Variants in SLC1A3 observed in about 807,000 individuals in gnomAD.
SLC1A3 encodes solute carrier family 1 member 3.
Under a neutral mutation model 48.1 loss-of-function variants are expected in SLC1A3, and 21 were observed. That is an observed-to-expected ratio of 0.44 (90% confidence interval 0.31 to 0.63). The LOEUF (loss-of-function observed/expected upper bound fraction) is 0.63. SLC1A3 is among the 20% of genes least tolerant of loss of function. SLC1A3 has a pLI of 0.08. For missense variants in SLC1A3, 546 were observed against 689.0 expected (o/e 0.79, Z 2.32); for synonymous variants, 239 against 251.4 (o/e 0.95, Z 0.47).
At chr5:36,628,006 A>G (rs1739980518) in intron 2 of SLC1A3, among the ~76,000 whole-genome samples, 2 of 152,248 alleles carry the variant, frequency 1.3e-5, no homozygotes, top group African/African-American at 2.4e-5. Context: ...GCAAGAGCTC[A>G]GTAAGCATTA....
At chr5:36,608,138 A>G (rs1412593902) in intron 1 of SLC1A3, 191 bp from the exon 2 acceptor site, 1 of 373,264 alleles carries the variant, frequency 2.7e-6, no homozygotes. Context: ...TATATTCCGA[A>G]TTTATGCACA....
At chr5:36,682,356 G>A (rs1037139461) in intron 8 of SLC1A3, among the ~76,000 whole-genome samples, 10 of 152,114 alleles carry the variant, frequency 6.6e-5, no homozygotes, top group South Asian at 4.1e-4. Context: ...AGGATGCATC[G>A]GAGTAAAAAG....
chr5:36,676,942 C>G lies in SLC1A3; in HGVS notation c.618C>G (p.Asn206Lys). 6.2e-7 allele frequency: 1 copy of G among 1,613,916 alleles called. No homozygotes were observed. ...GCTTTAAAGTGCCCATCCAGGCCAA[C>G]GAAACGCTTGTGGGTGCTGTGATAA... is the stretch of plus-strand genomic sequence containing the variant. ...KRSFKVPIQA[N>K]ETLVGAVINN... Residue 206 changes from asparagine (N) to lysine (K), a missense_variant, in exon 6 of 10, where the codon AAC becomes AAG. Asn to Lys is a moderately conservative substitution (Grantham distance 94). This residue lies in a region of SLC1A3 where 348 missense variants were observed against 392.0 expected (regional missense o/e 0.89). Transcript: ENST00000265113.
chr5:36,686,725 G>T lies in SLC1A3; in HGVS notation c.*456G>T. 1 of 255,764 alleles carries T rather than the reference G, an allele frequency of 3.9e-6. No homozygotes were observed. The highest frequency in any genetic ancestry group is 7.6e-6 in the Non-Finnish European group (1 of 130,772). The allele number at this position is 255,764 out of a possible 1,614,324, so 15.8% of individuals were successfully genotyped here. The stretch of plus-strand genomic sequence containing the variant: ...CAACCGGTTATCAGTTGGACAGTAA[G>T]ATTTTATCCCTTTCTCTTCTGACTG... On this transcript the variant is annotated 3_prime_UTR_variant, in exon 10 of 10. Transcript: ENST00000265113.
intron 5 of SLC1A3, among the ~76,000 whole-genome samples, 190 bp from the exon 6 acceptor site, chr5:36,676,698 TTCTG>T (rs1279391038): frequency 2.0e-5 from 3 of 152,008 alleles, no homozygotes; most frequent in East Asian, 3.8e-4. Context: ...CAGTATGTGT[TTCTG>T]TCTGTCTGTG....
intron 3 of SLC1A3, among the ~76,000 whole-genome samples, chr5:36,644,996 G>A (rs958043796): frequency 9.9e-5 from 15 of 152,192 alleles, no homozygotes; most frequent in Non-Finnish European, 1.3e-4. Context: ...AATCTCACTG[G>A]TATGAAGTAG....
At chr5:36,607,665 T>C (rs933554883) in intron 1 of SLC1A3, among the ~76,000 whole-genome samples, 5 of 152,186 alleles carry the variant, frequency 3.3e-5, no homozygotes, top group Admixed American at 3.3e-4. Flanking sequence ...TCAGATGATT[T>C]ATAGATGTGC....
chr5:36,629,731 A>G, intron 3 of SLC1A3, 144 bp downstream of exon 3: 2 of 772,906 alleles, frequency 2.6e-6, no homozygotes, highest in Non-Finnish European at 4.6e-6. Context: ...AAAATGATGG[A>G]AAGGAGGCTT....
At chr5:36,652,680 C>A (rs1741132449) in intron 3 of SLC1A3, among the ~76,000 whole-genome samples, 1 of 152,176 alleles carries the variant, frequency 6.6e-6, no homozygotes, top group Non-Finnish European at 1.5e-5. Flanking sequence ...CCCAATATAT[C>A]TATGTATTAC....
chr5:36,607,934 G>C (rs923436456), intron 1 of SLC1A3, among the ~76,000 whole-genome samples: 1 of 152,050 alleles, frequency 6.6e-6, no homozygotes, highest in Non-Finnish European at 1.5e-5. Flanking sequence ...AGCATAATTT[G>C]TCAAGTAATG....
At chr5:36,608,738 AT>A in intron 2 of SLC1A3, 134 bp downstream of exon 2, 1 of 1,481,308 alleles carries the variant, frequency 6.8e-7, no homozygotes. Flanking sequence ...GAACTTGATG[AT>A]TTTTCTCCAT....
intron 1 of SLC1A3, among the ~76,000 whole-genome samples, chr5:36,607,810 T>G (rs1739015202): frequency 6.6e-6 from 1 of 152,252 alleles, no homozygotes; most frequent in African/African-American, 2.4e-5. Context: ...TATTATATTT[T>G]TTTCTTAATG....
intron 3 of SLC1A3, among the ~76,000 whole-genome samples, chr5:36,632,204 T>A (rs1414122712): frequency 6.6e-6 from 1 of 152,160 alleles, no homozygotes; most frequent in Non-Finnish European, 1.5e-5. Context: ...AAGGGCCAGA[T>A]CTTCCTGTTT....
At chr5:36,609,243 G>A in intron 2 of SLC1A3, 1 of 954,864 alleles carries the variant, frequency 1.0e-6, no homozygotes, top group Non-Finnish European at 1.2e-6. Context: ...TAGCAGGGTT[G>A]ACAGCAATCT....
At chr5:36,603,207 GC>G (rs571381980), upstream of SLC1A3, among the ~76,000 whole-genome samples, 8 of 152,358 alleles carry the variant, frequency 5.3e-5, no homozygotes, top group South Asian at 1.7e-3. Context: ...TCCCTGCCAT[GC>G]CACACGATGG....
Position 36,614,090 on chromosome 5 carries a change from C to G in SLC1A3, c.181+5486C>G, listed in dbSNP as rs183436768. Reference sequence around the variant, plus strand: ...CCTAGGTTTATGTCCAGTTCTGGAACTGAGCCTCTGTTTCTTCATGTATAA... The same window carrying G: ...CCTAGGTTTATGTCCAGTTCTGGAAGTGAGCCTCTGTTTCTTCATGTATAA... On this transcript the variant is annotated intron_variant, in intron 2 of 9. Transcript: ENST00000265113. 4.2e-4 allele frequency among the ~76,000 whole-genome samples: 64 copies of G among 152,290 alleles called. 1 individual carries two copies. The South Asian group carries it at 7.7e-3, about 18-fold the overall frequency.
chr5:36,603,359 T>C (rs1162193695), upstream of SLC1A3, among the ~76,000 whole-genome samples: 1 of 152,236 alleles, frequency 6.6e-6, no homozygotes, highest in Admixed American at 6.5e-5. Flanking sequence ...TAACCTTCTG[T>C]TGGGCCCTGT....
intron 2 of SLC1A3, among the ~76,000 whole-genome samples, chr5:36,627,557 A>T (rs1349865317): frequency 6.6e-6 from 1 of 152,228 alleles, no homozygotes; most frequent in African/African-American, 2.4e-5. Flanking sequence ...TGCTTCATAA[A>T]AGTGAAAAAT....
At chr5:36,634,733 A>G (rs149124483) in intron 3 of SLC1A3, among the ~76,000 whole-genome samples, 1 of 152,300 alleles carries the variant, frequency 6.6e-6, no homozygotes, top group Non-Finnish European at 1.5e-5. Context: ...GATGTGTCAC[A>G]TATTATTTGG....
Sources: gnomAD v4.1 joint callset for allele counts (sites outside exome capture counted in the v4.1 genomes callset) on GRCh38, gnomAD v4.1.1 for gene constraint, gnomAD v4.1.1 regional missense constraint, MANE v1.5 for transcripts, NCBI Gene and HGNC (gene_info 2026-07-23, HGNC 2026-07-21) for gene names.